EME2: variants seen among roughly 807,000 people sequenced by gnomAD.
EME2 encodes structure-specific endonuclease subunit EME2.
A neutral mutation model predicts 41.9 loss-of-function variants in EME2; 58 were observed. That is an observed-to-expected ratio of 1.38 (90% CI 1.12 to 1.72). The LOEUF is 1.72. Ranked by LOEUF, EME2 falls within the 40% of genes most tolerant of loss-of-function variation. The pLI is 0.00. For synonymous variants in EME2, 334 were observed against 239.3 expected, an observed-to-expected ratio of 1.40 and a Z score of -3.65; for missense variants, 695 against 541.9, an observed-to-expected ratio of 1.28 and a Z score of -2.81.
chr16:1,776,807 C>G lies in EME2; in HGVS notation c.*569C>G, dbSNP rs776036717. 5 of 497,390 alleles carry G rather than the reference C, an allele frequency of 1.0e-5. No individual in the cohort carries two copies. The highest frequency in any genetic ancestry group is 3.9e-5 in the African/African-American group (2 of 51,586). 30.8% of individuals were successfully genotyped at this position (497,390 alleles called of 1,614,324 possible). A position where few individuals can be genotyped will look rare whatever the true frequency, so the allele number is the denominator to read the frequency against. ...GCATGCAGAGCAAGTTAGGAAAAAC[C>G]GAGGCCCTGTGGGAACAGCAACGCG... is the stretch of plus-strand genomic sequence containing the variant. On this transcript the variant is annotated 3_prime_UTR_variant, in exon 8 of 8. Transcript: ENST00000568449.
At chr16:1,774,641 C>T (rs1026432675) in intron 3 of EME2, among the ~76,000 whole-genome samples, 11 of 152,240 alleles carry the variant, frequency 7.2e-5, no homozygotes, top group African/African-American at 2.7e-4. Context: ...GACAGCCTGG[C>T]CCCTGCCTGC....
chr16:1,774,979 T>A, intron 3 of EME2, 62 bp from the exon 4 acceptor site: 3 of 1,299,464 alleles, frequency 2.3e-6, no homozygotes, highest in Non-Finnish European at 3.3e-6. Context: ...TGTGGCCTGG[T>A]GGCCCATGGC....
At position 1,778,392 on chromosome 16, in the gene EME2, C is replaced by G. The variant is rs371769096; in HGVS notation, c.*2154C>G. On this transcript the variant is annotated 3_prime_UTR_variant, in exon 8 of 8. Transcript: ENST00000568449. ...GCTCTGCCCTGCCCACCCCCAGGCC[C>G]GCCCGCAGTGCAGTCCCAGCAGGGG... is the stretch of plus-strand genomic sequence containing the variant. The G allele has an allele frequency of 5.0e-6, 8 of 1,606,624 alleles. No homozygotes were observed. The highest frequency in any genetic ancestry group is 3.4e-5 in the Admixed American group (2 of 59,566).
In EME2 at chr16:1,777,280, C is replaced by T. The variant is rs762283747; in HGVS notation, c.*1042C>T. 7 of 1,610,278 alleles carry T rather than the reference C, an allele frequency of 4.3e-6. No homozygotes were observed. Among genetic ancestry groups the T allele is most frequent in the African/African-American group, 4.0e-5 (3 of 74,934 alleles). On this transcript the variant is annotated 3_prime_UTR_variant, in exon 8 of 8. Coordinates refer to ENST00000568449, the MANE Select transcript of EME2 (RefSeq NM_001257370.2). Reference sequence around the variant, plus strand: ...CCGGCGGCAGCGGCAGACCCTCCAGCGTGTCTCCCGAGTCTGGCCGCAGCT... The same window carrying T: ...CCGGCGGCAGCGGCAGACCCTCCAGTGTGTCTCCCGAGTCTGGCCGCAGCT...
chr16:1,780,486 A>G lies in EME2; in HGVS notation c.*4248A>G, dbSNP rs994385043. ...CCTGCAAAGCCCACAAGCATGTCAGATCACCTGGGCTGCAGACAGACAAAC... is the reference window on the plus strand; with the variant it reads ...CCTGCAAAGCCCACAAGCATGTCAGGTCACCTGGGCTGCAGACAGACAAAC... On this transcript the variant is annotated 3_prime_UTR_variant, in exon 8 of 8. Coordinates refer to ENST00000568449, the MANE Select transcript of EME2 (RefSeq NM_001257370.2). The G allele has an allele frequency of 6.6e-6, 1 of 152,444 alleles. No individual in the cohort carries two copies. The highest frequency in any genetic ancestry group is 1.9e-4 in the East Asian group (1 of 5,208). 9.4% of individuals were successfully genotyped at this position (152,444 alleles called of 1,614,324 possible). A position where few individuals can be genotyped will look rare whatever the true frequency, so the allele number is the denominator to read the frequency against.
chr16:1,776,067 G>C lies in EME2; in HGVS notation c.970-1G>C, dbSNP rs761145404. 7 of 1,607,634 alleles carry C rather than the reference G, an allele frequency of 4.4e-6. No homozygotes were observed. The highest frequency in any genetic ancestry group is 4.0e-5 in the African/African-American group (3 of 74,844). Reference sequence around the variant, plus strand: ...CCTCTCATGCCTTTGCCTGCTCCTAGGCGCTGGAGGCCTGCAGCACGGAGC... The same window carrying C: ...CCTCTCATGCCTTTGCCTGCTCCTACGCGCTGGAGGCCTGCAGCACGGAGC... On this transcript the variant is annotated splice_acceptor_variant, in intron 7 of 7. Transcript: ENST00000568449. LOFTEE classifies it high-confidence loss of function.
At position 1,773,730 on chromosome 16, in the gene EME2, C is replaced by T. The variant is rs2042667219; in HGVS notation, c.273C>T (p.Asp91=). 3 of 1,549,144 alleles carry T rather than the reference C, an allele frequency of 1.9e-6. No homozygotes were observed. The highest frequency in any genetic ancestry group is 2.6e-6 in the Non-Finnish European group (3 of 1,147,356). Residue 91 remains aspartate, a synonymous_variant, in exon 2 of 8, where the codon GAC becomes GAT. Transcript: ENST00000568449. ...CCATCCTGGAAGACGCCGGTGCCGACGTCCTGATGGAGGCCCTGGAGGCCC... is the reference window on the plus strand; with the variant it reads ...CCATCCTGGAAGACGCCGGTGCCGATGTCCTGATGGAGGCCCTGGAGGCCC... ...DTAILEDAGA[D]VLMEALEALG...
In EME2 at chr16:1,774,242, G is replaced by A; in HGVS notation, c.385-18G>A. On this transcript the variant is annotated intron_variant, in intron 2 of 7. Coordinates refer to ENST00000568449, the MANE Select transcript of EME2 (RefSeq NM_001257370.2). The stretch of plus-strand genomic sequence containing the variant: ...CCGGGGTTGAGACAGGCAGCAGCGC[G>A]TCCCCATGTCCCCACAGCTGCCTCC... 1.2e-6 allele frequency: 2 copies of A among 1,608,116 alleles called. No homozygotes were observed. Among genetic ancestry groups the A allele is most frequent in the Non-Finnish European group, 8.5e-7 (1 of 1,176,194 alleles).
At position 1,781,263 on chromosome 16, in the gene EME2, C is replaced by T. The variant is rs771504148; in HGVS notation, c.*5025C>T. On this transcript the variant is annotated 3_prime_UTR_variant, in exon 8 of 8. Coordinates refer to ENST00000568449, the MANE Select transcript of EME2 (RefSeq NM_001257370.2). ...TCTAGCCTCAGAAGCATCTTTTTCT[C>T]CGACTGATTCCGTGTTCAGGTAATG... The T allele has an allele frequency of 6.2e-7, 1 of 1,608,382 alleles. No individual in the cohort carries two copies. Among genetic ancestry groups the T allele is most frequent in the South Asian group, 1.1e-5 (1 of 90,758 alleles).
chr16:1,775,538 GCT>G, intron 5 of EME2, 29 bp from the exon 6 acceptor site: 2 of 1,609,316 alleles, frequency 1.2e-6, no homozygotes, highest in Non-Finnish European at 1.7e-6. Flanking sequence ...CCTTCCTCTG[GCT>G]CGTGCCCATC....
chr16:1,776,143 G>T lies in EME2; in HGVS notation c.1045G>T (p.Gly349Trp). Residue 349 changes from glycine to tryptophan, a missense_variant, in exon 8 of 8, where the codon GGG becomes TGG. Transcript: ENST00000568449. ...ADLPVPPSEG[G>W]RPRRVGPDLS... is the part of the protein sequence containing the mutation. ...CCTTCCTGTGCCGCCCAGTGAAGGC[G>T]GGCGTCCCCGCAGGGTGGGGCCTGA... is the stretch of plus-strand genomic sequence containing the variant. 6.2e-7 allele frequency: 1 copy of T among 1,612,288 alleles called. No individual in the cohort carries two copies. The highest frequency in any genetic ancestry group is 1.1e-5 in the South Asian group (1 of 91,084).
Position 1,776,377 on chromosome 16 carries a change from A to C in EME2, c.*139A>C. Reference sequence around the variant, plus strand: ...GCTGAGCAGGTCTGACCTCAGGGGAAGGGTGGGTGGTTGCAGGGGAAGTTT... The same window carrying C: ...GCTGAGCAGGTCTGACCTCAGGGGACGGGTGGGTGGTTGCAGGGGAAGTTT... On this transcript the variant is annotated 3_prime_UTR_variant, in exon 8 of 8. Coordinates refer to ENST00000568449, the MANE Select transcript of EME2 (RefSeq NM_001257370.2). 3.4e-6 allele frequency: 2 copies of C among 585,214 alleles called. No individual in the cohort carries two copies. Among genetic ancestry groups the C allele is most frequent in the Non-Finnish European group, 5.9e-6 (2 of 337,216 alleles). The allele number at this position is 585,214 out of a possible 1,614,324, so 36.3% of individuals were successfully genotyped here.
In EME2 at chr16:1,778,200, C is replaced by T. The variant is rs1415656730; in HGVS notation, c.*1962C>T. 4 of 1,612,978 alleles carry T rather than the reference C, an allele frequency of 2.5e-6. No homozygotes were observed. The Admixed American group carries it at 5.0e-5, about 20-fold the overall frequency. Reference sequence around the variant, plus strand: ...AGAAGTGCTGGCCCTCCCCCAGCTCCTTGGTGCCCCGGATGGCCGCTGTGC... The same window carrying T: ...AGAAGTGCTGGCCCTCCCCCAGCTCTTTGGTGCCCCGGATGGCCGCTGTGC... On this transcript the variant is annotated 3_prime_UTR_variant, in exon 8 of 8. Transcript: ENST00000568449.
chr16:1,774,410 G>A (rs2042678941), intron 3 of EME2, 58 bp downstream of exon 3: 2 of 1,453,500 alleles, frequency 1.4e-6, no homozygotes, highest in Non-Finnish European at 1.9e-6. Context: ...TCCCAGCCGG[G>A]AGGCGCCTGC....
chr16:1,775,324 G>C lies in EME2; in HGVS notation c.579G>C (p.Gln193His). ...IGLDAYLWSRQHVSRGTQQPE... is the reference protein window; with the variant it reads ...IGLDAYLWSRHHVSRGTQQPE... ...GGTCACCTCTGCTCAGGTCTCGCCA[G>C]CACGTTTCCCGGGGGACACAGCAGC... Residue 193 changes from glutamine (Q) to histidine (H), a missense_variant, in exon 5 of 8, where the codon CAG becomes CAC. Coordinates refer to ENST00000568449, the MANE Select transcript of EME2 (RefSeq NM_001257370.2). 1.9e-6 allele frequency: 3 copies of C among 1,610,152 alleles called. No individual in the cohort carries two copies. Among genetic ancestry groups the C allele is most frequent in the Non-Finnish European group, 2.5e-6 (3 of 1,179,992 alleles).
rs553094184 is a variant in EME2, at chr16:1,775,243, G to C, written c.570-72G>C. ...CAGCTGATCCCACTTCTCCAGGTGG[G>C]CTCTGGCAGAGGCCAAGCTCGGGCA... On this transcript the variant is annotated intron_variant, in intron 4 of 7. Transcript: ENST00000568449. 36 of 1,591,810 alleles carry C rather than the reference G, an allele frequency of 2.3e-5. 1 individual carries two copies. The South Asian group carries it at 4.0e-4, about 18-fold the overall frequency.
rs1201776683 is a variant in EME2, at chr16:1,780,653, CAGA to C, written c.*4421_*4423del. The C allele has an allele frequency of 6.2e-6, 1 of 160,304 alleles. No homozygotes were observed. The highest frequency in any genetic ancestry group is 2.4e-5 in the African/African-American group (1 of 41,500). 9.9% of individuals were successfully genotyped at this position (160,304 alleles called of 1,614,324 possible). A position where few individuals can be genotyped will look rare whatever the true frequency, so the allele number is the denominator to read the frequency against. On this transcript the variant is annotated 3_prime_UTR_variant, in exon 8 of 8. Coordinates refer to ENST00000568449, the MANE Select transcript of EME2 (RefSeq NM_001257370.2). Reference sequence around the variant, plus strand: ...AACAAAGAGTATGCGTTTGTACTGGCAGAAGAAGCGTCTGGTAAGACAACCAGC... The same window carrying C: ...AACAAAGAGTATGCGTTTGTACTGGCAGAAGCGTCTGGTAAGACAACCAGC...
Position 1,777,006 on chromosome 16 carries a change from T to G in EME2, c.*768T>G. The G allele has an allele frequency of 6.9e-7, 1 of 1,455,894 alleles. No individual in the cohort carries two copies. The highest frequency in any genetic ancestry group is 1.4e-5 in the African/African-American group (1 of 71,458). The allele number at this position is 1,455,894 out of a possible 1,614,324, so 90.2% of individuals were successfully genotyped here. On this transcript the variant is annotated 3_prime_UTR_variant, in exon 8 of 8. Coordinates refer to ENST00000568449, the MANE Select transcript of EME2 (RefSeq NM_001257370.2). ...GGACGGGCCTCATCCAACTCCGCCC[T>G]GGAGTGTGGCTGGAAGGAAGGGACA...
rs1157953677 is a variant in EME2, at chr16:1,775,994, C to A, written c.969+8C>A. 1.5e-5 allele frequency: 24 copies of A among 1,607,442 alleles called. No homozygotes were observed. The highest frequency in any genetic ancestry group is 2.0e-5 in the Non-Finnish European group (23 of 1,178,714). ...CCCCGCCTTCTGCAGCAGGTGGGCC[C>A]CTGCCTCCTCCAAGCCCTCCAGGTG... On this transcript the variant is annotated splice_region_variant and intron_variant, in intron 7 of 7. Transcript: ENST00000568449.
Sources: allele counts gnomAD v4.1 joint callset (sites outside exome capture counted in the v4.1 genomes callset), GRCh38; gene constraint gnomAD v4.1.1; transcripts MANE v1.5; gene names NCBI Gene and HGNC (gene_info 2026-07-23, HGNC 2026-07-21).